DTX1: variants seen among roughly 807,000 people sequenced by gnomAD.
The protein encoded by DTX1 is E3 ubiquitin-protein ligase DTX1.
A neutral mutation model predicts 57.8 loss-of-function variants in DTX1; 26 were observed. That is an observed-to-expected ratio of 0.45 (90% CI 0.33 to 0.62). The LOEUF is 0.62. DTX1 is among the 20% of genes least tolerant of loss of function. The probability of loss-of-function intolerance (pLI) is 0.02; values close to 1 mark genes in which losing one functional copy is unlikely to be tolerated. For missense variants in DTX1, 704 were observed against 895.3 expected (o/e 0.79, Z 2.73); for synonymous variants, 398 against 394.1 (o/e 1.01, Z -0.12).
chr12:113,097,167 C>T lies in DTX1; in HGVS notation c.*228C>T. 3.6e-6 allele frequency: 2 copies of T among 556,326 alleles called. No individual in the cohort carries two copies. The highest frequency in any genetic ancestry group is 6.4e-6 in the Non-Finnish European group (2 of 314,138). The allele number at this position is 556,326 out of a possible 1,614,324, so 34.5% of individuals were successfully genotyped here. The stretch of plus-strand genomic sequence containing the variant: ...AGGGCCAAGCAGAGAGTACTGGAAA[C>T]CTCCCTACCAAAAAGACAGAGACCC... On this transcript the variant is annotated 3_prime_UTR_variant, in exon 10 of 10. Transcript: ENST00000548759.
At chr12:113,087,680 A>G (rs1050299981) in intron 3 of DTX1, among the ~76,000 whole-genome samples, 2 of 152,074 alleles carry the variant, frequency 1.3e-5, no homozygotes, top group African/African-American at 2.4e-5. Flanking sequence ...CTTGGCCCCA[A>G]ATGACTGAGT....
At chr12:113,074,499 G>C (rs942817817) in intron 2 of DTX1, among the ~76,000 whole-genome samples, 3 of 152,224 alleles carry the variant, frequency 2.0e-5, no homozygotes, top group Admixed American at 6.5e-5. Context: ...TGAGTGATAA[G>C]GGGGAGGTAG....
chr12:113,073,629 C>G (rs2044751152), intron 2 of DTX1, among the ~76,000 whole-genome samples: 1 of 152,194 alleles, frequency 6.6e-6, no homozygotes. Flanking sequence ...GGGCACAAGG[C>G]TAGTCTGTAG....
chr12:113,083,202 TAA>T (rs1482552912), intron 3 of DTX1, among the ~76,000 whole-genome samples: 1 of 152,198 alleles, frequency 6.6e-6, no homozygotes, highest in African/African-American at 2.4e-5. Context: ...ATTACCTCTT[TAA>T]AGACCCCGTC....
At chr12:113,078,523 C>T (rs1458076086) in intron 3 of DTX1, among the ~76,000 whole-genome samples, 1 of 152,188 alleles carries the variant, frequency 6.6e-6, no homozygotes, top group Non-Finnish European at 1.5e-5. Context: ...GATGGGGAAA[C>T]CGAGGCTAGG....
At chr12:113,095,996 A>G (rs1950286887) in intron 9 of DTX1, among the ~76,000 whole-genome samples, 1 of 152,198 alleles carries the variant, frequency 6.6e-6, no homozygotes, top group South Asian at 2.1e-4. Flanking sequence ...TCACGAGATC[A>G]GGAGTTTGAG....
At position 113,078,095 on chromosome 12, in the gene DTX1, A is replaced by C. The variant is rs1024898552; in HGVS notation, c.931A>C (p.Ile311Leu). Residue 311 changes from isoleucine to leucine, a missense_variant, in exon 3 of 10, where the codon ATC (isoleucine) becomes CTC (leucine). Ile to Leu is a conservative substitution (Grantham distance 5). Around this residue, in one of 3 missense-constraint regions of DTX1, gnomAD observed 299 missense variants for 311.2 expected, o/e 0.96. Transcript: ENST00000548759. The stretch of plus-strand genomic sequence containing the variant: ...CACCAGCGTGAGCGCGCGCGCCTCC[A>C]TCCCGCCGGGGTAAGACGGGGCCCA... ...RTTSVSARAS[I>L]PPGVPALPVK... 80 of 1,386,172 alleles carry C rather than the reference A, an allele frequency of 5.8e-5. No individual in the cohort carries two copies. Among genetic ancestry groups the C allele is most frequent in the Non-Finnish European group, 6.8e-5 (73 of 1,069,790 alleles). The allele number at this position is 1,386,172 out of a possible 1,614,324, so 85.9% of individuals were successfully genotyped here. A position where few individuals can be genotyped will look rare whatever the true frequency, so the allele number is the denominator to read the frequency against.
chr12:113,057,165 G>C (rs1014121478), intron 1 of DTX1, among the ~76,000 whole-genome samples: 1 of 151,996 alleles, frequency 6.6e-6, no homozygotes, highest in East Asian at 2.0e-4. Context: ...GCACCCCAGC[G>C]CACCCGGCAT....
intron 3 of DTX1, among the ~76,000 whole-genome samples, chr12:113,087,993 G>A (rs1489724153): frequency 6.6e-6 from 1 of 152,200 alleles, no homozygotes; most frequent in Non-Finnish European, 1.5e-5. Context: ...GCCCAGGCCT[G>A]AGCCAGCTCC....
chr12:113,095,937 G>A (rs1434039583), intron 9 of DTX1, among the ~76,000 whole-genome samples: 2 of 152,318 alleles, frequency 1.3e-5, no homozygotes. Flanking sequence ...GCCGGGTGTG[G>A]TGGCTCATGC....
At chr12:113,059,452 G>C (rs1206840122) in intron 2 of DTX1, among the ~76,000 whole-genome samples, 1 of 152,166 alleles carries the variant, frequency 6.6e-6, no homozygotes, top group Non-Finnish European at 1.5e-5. Flanking sequence ...GTTGATGGTT[G>C]CGTTGGTGGT....
rs991745599 is a variant in DTX1 at position 113,057,950 on chromosome 12, T to C, written c.-243T>C. On this transcript the variant is annotated 5_prime_UTR_variant, in exon 2 of 10. Transcript: ENST00000548759. ...CCTCCGGCATAAGAGAGACACTTGCTTTCCAGGGCAGCACCCTTTATCGGA... is the reference window on the plus strand; with the variant it reads ...CCTCCGGCATAAGAGAGACACTTGCCTTCCAGGGCAGCACCCTTTATCGGA... The C allele has an allele frequency of 3.1e-5, 19 of 606,126 alleles. No individual in the cohort carries two copies. Among genetic ancestry groups the C allele is most frequent in the Non-Finnish European group, 4.7e-5 (17 of 362,688 alleles). 37.5% of individuals were successfully genotyped at this position (606,126 alleles called of 1,614,324 possible). A position where few individuals can be genotyped will look rare whatever the true frequency, so the allele number is the denominator to read the frequency against.
chr12:113,095,681 A>C, intron 9 of DTX1: 1 of 460,092 alleles, frequency 2.2e-6, no homozygotes, highest in Non-Finnish European at 3.9e-6. Flanking sequence ...GTCACAGAGA[A>C]ACTAAGTGGC....
Position 113,093,829 on chromosome 12 carries a change from C to A in DTX1, c.1165+129C>A. The A allele has an allele frequency of 6.8e-7, 1 of 1,460,032 alleles. No individual in the cohort carries two copies. Among genetic ancestry groups the A allele is most frequent in the Non-Finnish European group, 9.3e-7 (1 of 1,075,716 alleles). The allele number at this position is 1,460,032 out of a possible 1,614,324, so 90.4% of individuals were successfully genotyped here. ...ACCTCCATTGCCTGATCTCAGCTCC[C>A]CTTGCCCTGGCCCCATCTTTCACCA... On this transcript the variant is annotated intron_variant, in intron 5 of 9. Transcript: ENST00000548759. This position sits in a 1 kb window ranked among gnomAD's most constrained non-coding sequence, Gnocchi z 4.2.
intron 2 of DTX1, among the ~76,000 whole-genome samples, chr12:113,074,991 C>A (rs1042300994): frequency 2.0e-5 from 3 of 152,122 alleles, no homozygotes; most frequent in Non-Finnish European, 4.4e-5. Context: ...GCCTGTTAAA[C>A]CTCTCCAGGG....
intron 3 of DTX1, among the ~76,000 whole-genome samples, chr12:113,080,835 G>C (rs1334239725): frequency 6.6e-6 from 1 of 151,986 alleles, no homozygotes; most frequent in Non-Finnish European, 1.5e-5. Flanking sequence ...AAATTAGCCA[G>C]GCAGGGTGGT....
At chr12:113,060,117 A>G (rs1414381195) in intron 2 of DTX1, among the ~76,000 whole-genome samples, 1 of 152,198 alleles carries the variant, frequency 6.6e-6, no homozygotes, top group Non-Finnish European at 1.5e-5. Context: ...ATTCATAACA[A>G]ATGGCTTATT....
intron 3 of DTX1, among the ~76,000 whole-genome samples, chr12:113,084,108 G>A (rs1261828333): frequency 6.6e-6 from 1 of 152,212 alleles, no homozygotes; most frequent in Non-Finnish European, 1.5e-5. Flanking sequence ...CCCAGCCAGT[G>A]GGGGCAGAGT....
At chr12:113,060,905 G>A (rs533731234) in intron 2 of DTX1, among the ~76,000 whole-genome samples, 1 of 152,170 alleles carries the variant, frequency 6.6e-6, no homozygotes, top group Non-Finnish European at 1.5e-5. Flanking sequence ...GACCTAGCTG[G>A]GTTGGGTATG....
Sources: gnomAD v4.1 joint callset for allele counts (sites outside exome capture counted in the v4.1 genomes callset) on GRCh38, gnomAD v4.1.1 for gene constraint, gnomAD v4.1.1 regional missense constraint, Gnocchi (gnomAD v3.1) non-coding constraint, MANE v1.5 for transcripts, NCBI Gene and HGNC (gene_info 2026-07-23, HGNC 2026-07-21) for gene names.